NIBAN2: variants seen among roughly 807,000 people sequenced by gnomAD.
NIBAN2 encodes the protein niban apoptosis regulator 2.
A neutral mutation model predicts 81.8 loss-of-function variants in NIBAN2; 36 were observed. That is an observed-to-expected ratio of 0.44 (90% CI 0.34 to 0.58). The LOEUF (loss-of-function observed/expected upper bound fraction) is 0.58. Among genes scored for constraint, NIBAN2 ranks in the 20% least tolerant of loss-of-function variants. The pLI, the probability that NIBAN2 is intolerant of heterozygous loss-of-function variation, is 0.02. For missense variants in NIBAN2, 897 were observed against 1,014.1 expected, an observed-to-expected ratio of 0.88 and a Z score of 1.57; for synonymous variants, 445 against 441.6, an observed-to-expected ratio of 1.01 and a Z score of -0.10.
At chr9:127,525,873 G>A (rs1159552562) in intron 3 of NIBAN2, among the ~76,000 whole-genome samples, 2 of 152,102 alleles carry the variant, frequency 1.3e-5, no homozygotes, top group African/African-American at 4.8e-5. Flanking sequence ...AATTTCCTAG[G>A]TTCTGAGCAT....
chr9:127,520,018 C>T (rs1399294166), intron 5 of NIBAN2, among the ~76,000 whole-genome samples: 2 of 152,126 alleles, frequency 1.3e-5, no homozygotes, highest in Non-Finnish European at 2.9e-5. Context: ...GCCGGGACAG[C>T]GGGAGGGAGG....
chr9:127,561,530 T>G (rs2249861), intron 1 of NIBAN2, among the ~76,000 whole-genome samples: 37,361 of 152,094 alleles, frequency 0.25, 4,791 homozygotes, highest in East Asian at 0.29. Flanking sequence ...CTCAGACAGG[T>G]TGACTAACTT....
chr9:127,515,773 T>A (rs1486485640), intron 8 of NIBAN2, among the ~76,000 whole-genome samples: 3 of 151,436 alleles, frequency 2.0e-5, no homozygotes, highest in African/African-American at 7.3e-5. Context: ...AGAGGCAAGG[T>A]TGCAGTGAGC....
upstream of NIBAN2, among the ~76,000 whole-genome samples, chr9:127,571,625 G>A (rs777858332): frequency 3.3e-5 from 5 of 152,108 alleles, no homozygotes; most frequent in African/African-American, 1.2e-4. Context: ...GAACCCGGGA[G>A]GCAGAGGTTG....
At chr9:127,531,892 T>C (rs1837190960) in intron 1 of NIBAN2, 114 bp from the exon 2 acceptor site, 1 of 1,409,340 alleles carries the variant, frequency 7.1e-7, no homozygotes, top group Non-Finnish European at 9.7e-7. Context: ...GTGGAATTGT[T>C]TGCACAGGCT....
intron 8 of NIBAN2, among the ~76,000 whole-genome samples, chr9:127,511,330 G>T (rs1054146499): frequency 3.3e-5 from 5 of 152,240 alleles, no homozygotes; most frequent in South Asian, 2.1e-4. Flanking sequence ...TTATAGGCGT[G>T]AGCCACCGCG....
At chr9:127,518,653 C>G (rs371593905) in intron 5 of NIBAN2, among the ~76,000 whole-genome samples, 1 of 152,224 alleles carries the variant, frequency 6.6e-6, no homozygotes, top group Non-Finnish European at 1.5e-5. Context: ...TCACTGAACC[C>G]GAAATGGCCT....
intron 1 of NIBAN2, among the ~76,000 whole-genome samples, chr9:127,539,349 G>A (rs1837336303): frequency 6.6e-6 from 1 of 152,078 alleles, no homozygotes; most frequent in Admixed American, 6.6e-5. Flanking sequence ...CTCTCTTGCT[G>A]GGGTCTTGCC....
At chr9:127,514,209 C>A (rs903536898) in intron 8 of NIBAN2, among the ~76,000 whole-genome samples, 4 of 141,474 alleles carry the variant, frequency 2.8e-5, no homozygotes, top group Admixed American at 1.5e-4. Flanking sequence ...GCAGGGGTTG[C>A]GGTGAGCTGA....
chr9:127,537,143 A>G (rs1732837426), intron 1 of NIBAN2, among the ~76,000 whole-genome samples: 1 of 152,218 alleles, frequency 6.6e-6, no homozygotes, highest in African/African-American at 2.4e-5. Context: ...CCAGGTGCCC[A>G]GCCTCCTGGT....
At chr9:127,534,144 G>A (rs540945931) in intron 1 of NIBAN2, among the ~76,000 whole-genome samples, 1 of 152,346 alleles carries the variant, frequency 6.6e-6, no homozygotes, top group South Asian at 2.1e-4. Flanking sequence ...TCCCCTCTCT[G>A]AGCCTCGGTT....
chr9:127,544,998 G>C (rs977696336), intron 1 of NIBAN2, among the ~76,000 whole-genome samples: 3 of 152,164 alleles, frequency 2.0e-5, no homozygotes, highest in African/African-American at 7.2e-5. Context: ...GGGTCCCATT[G>C]CCCTGTTAGT....
intron 1 of NIBAN2, among the ~76,000 whole-genome samples, chr9:127,543,343 C>A (rs567090015): frequency 6.6e-6 from 1 of 152,196 alleles, no homozygotes; most frequent in African/African-American, 2.4e-5. Flanking sequence ...GAATCACCCC[C>A]GATCAAGACA....
intron 2 of NIBAN2, among the ~76,000 whole-genome samples, chr9:127,530,499 A>C (rs1837158420): frequency 6.6e-6 from 1 of 150,898 alleles, no homozygotes; most frequent in Non-Finnish European, 1.5e-5. Flanking sequence ...GTCCGAGTCA[A>C]TCACAGGTTC....
At chr9:127,537,013 C>T (rs990418087) in intron 1 of NIBAN2, among the ~76,000 whole-genome samples, 37 of 152,212 alleles carry the variant, frequency 2.4e-4, no homozygotes, top group Admixed American at 5.9e-4. Context: ...GTGCCAGCTT[C>T]GTCACTTTCC....
chr9:127,568,967 G>T lies in NIBAN2; in HGVS notation c.-93C>A. 1.8e-6 allele frequency: 2 copies of T among 1,141,922 alleles called. 1 individual carries two copies. Among genetic ancestry groups the T allele is most frequent in the Middle Eastern group, 7.3e-4 (2 of 2,758 alleles). The allele number at this position is 1,141,922 out of a possible 1,614,324, so 70.7% of individuals were successfully genotyped here. ...CCGCTGGCGCCATGGAGCCCGGCCC[G>T]CCCTGCTTCCCCCGCTCCCGCCGCT... On this transcript the variant is annotated 5_prime_UTR_variant, in exon 1 of 14. Coordinates refer to ENST00000373312, the MANE Select transcript of NIBAN2 (RefSeq NM_022833.4).
rs550640527 is a variant in NIBAN2 at position 127,507,079 on chromosome 9, G to A, written c.2007C>T (p.Ala669=). The A allele has an allele frequency of 4.6e-5, 73 of 1,575,722 alleles. No individual in the cohort carries two copies. The Admixed American group carries it at 8.2e-4, about 18-fold the overall frequency. The change falls in exon 14 of 14, where the codon GCC becomes GCT. Residue 669 remains alanine, a synonymous_variant. Coordinates refer to ENST00000373312, the MANE Select transcript of NIBAN2 (RefSeq NM_022833.4). The surrounding 1 kb of genome is among the most constrained non-coding windows in gnomAD (Gnocchi z 6.8). ...CGGGGGCCCCGTTGAGCAGGGGGCC[G>A]GCTGGTGGGGGGCTCTCAGGCCGCA... ...QGLRPESPPP[A]GPLLNGAPAG...
chr9:127,528,703 A>C lies in NIBAN2; in HGVS notation c.187-1381T>G, dbSNP rs146279202. Among the ~76,000 whole-genome samples the C allele has an allele frequency of 5.2e-3, 787 of 152,286 alleles. 6 individuals carry two copies. Among genetic ancestry groups the C allele is most frequent in the African/African-American group, 0.018 (753 of 41,558 alleles). On this transcript the variant is annotated intron_variant, in intron 2 of 13. Coordinates refer to ENST00000373312, the MANE Select transcript of NIBAN2 (RefSeq NM_022833.4). ...AGAAAATGGTTCCCCTACCACCCCCACACACAGTGGGCTTTGCCCAAGTCA... is the reference window on the plus strand; with the variant it reads ...AGAAAATGGTTCCCCTACCACCCCCCCACACAGTGGGCTTTGCCCAAGTCA...
chr9:127,549,420 C>T (rs903441570), intron 1 of NIBAN2, among the ~76,000 whole-genome samples: 2 of 152,154 alleles, frequency 1.3e-5, no homozygotes, highest in African/African-American at 4.8e-5. Flanking sequence ...CGCCCACACG[C>T]ATGCACTCAC....
Sources: allele counts gnomAD v4.1 joint callset (sites outside exome capture counted in the v4.1 genomes callset), GRCh38; gene constraint gnomAD v4.1.1; non-coding constraint Gnocchi (gnomAD v3.1); transcripts MANE v1.5; gene names NCBI Gene and HGNC (gene_info 2026-07-23, HGNC 2026-07-21).